Variants in FMNL2 observed in about 807,000 individuals in gnomAD.
FMNL2 encodes formin-like protein 2.
A neutral mutation model predicts 130.2 loss-of-function variants in FMNL2; 51 were observed. The observed-to-expected ratio is 0.39, with a 90% CI of 0.31 to 0.49. FMNL2 has a LOEUF of 0.49. Among genes scored for constraint, FMNL2 ranks in the 20% least tolerant of loss-of-function variants. The pLI, the probability that FMNL2 is intolerant of heterozygous loss-of-function variation, is 0.85. For missense variants in FMNL2, 977 were observed against 1,316.2 expected, an observed-to-expected ratio of 0.74 and a Z score of 3.99; for synonymous variants, 465 against 467.1, an observed-to-expected ratio of 1.00 and a Z score of 0.06.
At chr2:152,519,675 GTTAACCAAA>G (rs1334820078) in intron 1 of FMNL2, among the ~76,000 whole-genome samples, 1 of 152,188 alleles carries the variant, frequency 6.6e-6, no homozygotes, top group Non-Finnish European at 1.5e-5. Context: ...CCTTGAGCAA[GTTAACCAAA>G]TTCTCCCGGG....
At position 152,604,843 on chromosome 2, in the gene FMNL2, A is replaced by G. The variant is rs938072082; in HGVS notation, c.877-2496A>G. Among the ~76,000 whole-genome samples, 33 of 149,264 alleles carry G rather than the reference A, an allele frequency of 2.2e-4. 1 individual carries two copies. The highest frequency in any genetic ancestry group is 1.7e-3 in the Admixed American group (26 of 14,962). On this transcript the variant is annotated intron_variant, in intron 9 of 25. Coordinates refer to ENST00000288670, the MANE Select transcript of FMNL2 (RefSeq NM_052905.4). ...ACTCCTGACCTCATGTTATCTGCCC[A>G]CCTCGTCCTCCCAAAGTGCTGGGAT...
intron 17 of FMNL2, among the ~76,000 whole-genome samples, chr2:152,627,138 T>G (rs922343803): frequency 6.6e-6 from 1 of 152,242 alleles, no homozygotes; most frequent in Non-Finnish European, 1.5e-5. Flanking sequence ...GTATCTGGAT[T>G]TTATCCAGAT....
At chr2:152,422,420 A>C (rs1686968887) in intron 1 of FMNL2, among the ~76,000 whole-genome samples, 1 of 152,290 alleles carries the variant, frequency 6.6e-6, no homozygotes, top group South Asian at 2.1e-4. Flanking sequence ...GATTCATTGG[A>C]TAAATGGTTG....
rs865927098 is a variant in FMNL2, at chr2:152,457,654, T to C, written c.118-64289T>C. Among the ~76,000 whole-genome samples the C allele has an allele frequency of 3.9e-5, 6 of 152,344 alleles. No individual in the cohort carries two copies. In the South Asian group the frequency reaches 1.2e-3, roughly 32 times the overall value. On this transcript the variant is annotated intron_variant, in intron 1 of 25. Transcript: ENST00000288670. ...ATGACCAAAAGATGTATGTTTTCTATTGCTACTGGAACAAATTACCACACA... is the reference window on the plus strand; with the variant it reads ...ATGACCAAAAGATGTATGTTTTCTACTGCTACTGGAACAAATTACCACACA...
Position 152,647,707 on chromosome 2 carries a change from CTT to C in FMNL2, c.3170-87_3170-86del, listed in dbSNP as rs980309603. 4 of 1,243,470 alleles carry C rather than the reference CTT, an allele frequency of 3.2e-6. No individual in the cohort carries two copies. In the African/African-American group the frequency reaches 4.4e-5, roughly 14 times the overall value. 77.0% of individuals were successfully genotyped at this position (1,243,470 alleles called of 1,614,324 possible). On this transcript the variant is annotated intron_variant, in intron 25 of 25. Transcript: ENST00000288670. ...TTAGCTGACTTTTCTACACAAGCTGCTTTGATTGGCTGCCAGCTGGCCTTTGT... is the reference window on the plus strand; with the variant it reads ...TTAGCTGACTTTTCTACACAAGCTGCTGATTGGCTGCCAGCTGGCCTTTGT...
chr2:152,462,990 A>G lies in FMNL2; in HGVS notation c.118-58953A>G, dbSNP rs1689331978. On this transcript the variant is annotated intron_variant, in intron 1 of 25. Coordinates refer to ENST00000288670, the MANE Select transcript of FMNL2 (RefSeq NM_052905.4). ...CAATTGGATGTTTGTAGTCCAACAG[A>G]TTCGTTATCCTCTAAGGGGCACTGT... Among the ~76,000 whole-genome samples the G allele has an allele frequency of 2.0e-5, 3 of 152,160 alleles. No individual in the cohort carries two copies. The South Asian group carries it at 6.2e-4, about 32-fold the overall frequency.
At chr2:152,424,038 GA>G (rs1687047895) in intron 1 of FMNL2, among the ~76,000 whole-genome samples, 1 of 152,168 alleles carries the variant, frequency 6.6e-6, no homozygotes, top group Admixed American at 6.5e-5. Flanking sequence ...TCTGGGGAGG[GA>G]AGCTCATGAG....
At chr2:152,418,889 T>G (rs1686758069) in intron 1 of FMNL2, among the ~76,000 whole-genome samples, 1 of 152,154 alleles carries the variant, frequency 6.6e-6, no homozygotes, top group African/African-American at 2.4e-5. Flanking sequence ...TCATACTGTT[T>G]CCACGGTGTC....
At chr2:152,502,564 G>C (rs1691907045) in intron 1 of FMNL2, among the ~76,000 whole-genome samples, 1 of 152,172 alleles carries the variant, frequency 6.6e-6, no homozygotes. Context: ...GCAGGCATCT[G>C]TAGTGTCAGC....
chr2:152,525,801 G>A (rs73968059), intron 2 of FMNL2, among the ~76,000 whole-genome samples: 1,983 of 152,236 alleles, frequency 0.013, 50 homozygotes, highest in African/African-American at 0.045. Flanking sequence ...CCACTCAGCC[G>A]GAGCAGAGTC....
intron 9 of FMNL2, among the ~76,000 whole-genome samples, chr2:152,588,873 AT>A (rs1428575471): frequency 6.6e-6 from 1 of 152,056 alleles, no homozygotes; most frequent in Non-Finnish European, 1.5e-5. Flanking sequence ...TTAATAAAGA[AT>A]TTGCTCATAT....
intron 1 of FMNL2, among the ~76,000 whole-genome samples, chr2:152,505,128 C>T (rs1448959853): frequency 4.0e-5 from 6 of 149,994 alleles, no homozygotes; most frequent in African/African-American, 1.5e-4. Context: ...CTTTGAGAGT[C>T]TATATTTACT....
chr2:152,529,882 T>C (rs985174112), intron 2 of FMNL2, among the ~76,000 whole-genome samples: 2 of 152,210 alleles, frequency 1.3e-5, no homozygotes, highest in African/African-American at 4.8e-5. Flanking sequence ...TGTTTGGTAT[T>C]CGTTGCCAGA....
intron 1 of FMNL2, among the ~76,000 whole-genome samples, chr2:152,470,118 C>T (rs1689777962): frequency 6.6e-6 from 1 of 152,122 alleles, no homozygotes; most frequent in Non-Finnish European, 1.5e-5. Context: ...AATAACTTAG[C>T]TTAAAAGATA....
At chr2:152,449,578 G>A (rs1032097338) in intron 1 of FMNL2, among the ~76,000 whole-genome samples, 6 of 152,166 alleles carry the variant, frequency 3.9e-5, no homozygotes, top group Non-Finnish European at 4.4e-5. Context: ...TTCCAGAGAG[G>A]AGGGAAAACC....
At chr2:152,608,526 T>C (rs1263187651) in intron 10 of FMNL2, among the ~76,000 whole-genome samples, 2 of 148,972 alleles carry the variant, frequency 1.3e-5, no homozygotes, top group Non-Finnish European at 3.0e-5. Flanking sequence ...TGTGTGTCTA[T>C]ATATATATAC....
At chr2:152,573,003 G>A (rs1696266603) in intron 6 of FMNL2, among the ~76,000 whole-genome samples, 1 of 152,182 alleles carries the variant, frequency 6.6e-6, no homozygotes, top group Non-Finnish European at 1.5e-5. Flanking sequence ...TAAATTTTCA[G>A]AGGTAAAGAA....
At chr2:152,460,432 A>G (rs1352012841) in intron 1 of FMNL2, among the ~76,000 whole-genome samples, 1 of 152,244 alleles carries the variant, frequency 6.6e-6, no homozygotes, top group African/African-American at 2.4e-5. Flanking sequence ...CACAAAGCTC[A>G]GTTAAAATTC....
rs758088935 is a variant in FMNL2, at chr2:152,647,843, G to A, written c.3217G>A (p.Val1073Ile). The change falls in exon 26 of 26, where the codon GTC becomes ATC. Residue 1073 changes from valine to isoleucine, a missense_variant. Physicochemically the swap from Val to Ile is conservative, Grantham distance 29 (BLOSUM62 3). Transcript: ENST00000288670. ...ACGAGCCGATGCGGTGAGGAGAAGCGTCAGGCGGCGCTTTGATGATCAGAA... is the reference window on the plus strand; with the variant it reads ...ACGAGCCGATGCGGTGAGGAGAAGCATCAGGCGGCGCTTTGATGATCAGAA... ...YRRADAVRRS[V>I]RRRFDDQNLR... The A allele has an allele frequency of 1.4e-5, 23 of 1,613,806 alleles. No homozygotes were observed. Among genetic ancestry groups the A allele is most frequent in the Middle Eastern group, 1.6e-4 (1 of 6,084 alleles).
Sources: gnomAD v4.1 joint callset for allele counts (sites outside exome capture counted in the v4.1 genomes callset) on GRCh38, gnomAD v4.1.1 for gene constraint, MANE v1.5 for transcripts, NCBI Gene and HGNC (gene_info 2026-07-23, HGNC 2026-07-21) for gene names.